Variants in ASMTL observed in about 807,000 individuals in gnomAD.
The protein encoded by ASMTL is probable bifunctional dTTP/UTP pyrophosphatase/methyltransferase protein.
In ASMTL, 57 loss-of-function variants were observed where a neutral mutation model predicts 60.3. The observed-to-expected ratio is 0.95, with a 90% CI of 0.76 to 1.18. The LOEUF (loss-of-function observed/expected upper bound fraction) is 1.18. Ranked by LOEUF, ASMTL falls within the 50% of genes most tolerant of loss-of-function variation. ASMTL has a pLI of 0.00. For synonymous variants in ASMTL, 419 were observed against 373.0 expected (o/e 1.12, Z -1.42); for missense variants, 981 against 852.6 (o/e 1.15, Z -1.88).
At chrX:1,417,848 A>C in intron 11 of ASMTL, 125 bp downstream of exon 11, 1 of 1,265,328 alleles carries the variant, frequency 7.9e-7, no homozygotes, top group Non-Finnish European at 1.1e-6. Context: ...TCCCATTTGC[A>C]CACACATACC....
intron 3 of ASMTL, among the ~76,000 whole-genome samples, chrX:1,436,421 C>T (rs1241098713): frequency 1.3e-5 from 2 of 151,756 alleles, no homozygotes; most frequent in South Asian, 2.1e-4. Context: ...GGCGCGATCT[C>T]GGCTCACTGC....
chrX:1,434,226 A>G (rs1464159627), intron 5 of ASMTL, among the ~76,000 whole-genome samples: 2 of 152,088 alleles, frequency 1.3e-5, no homozygotes, highest in Non-Finnish European at 2.9e-5. Flanking sequence ...AATATGGTGA[A>G]CACCTGCAGT....
chrX:1,426,856 C>A, intron 7 of ASMTL, among the ~76,000 whole-genome samples: 1 of 151,936 alleles, frequency 6.6e-6, no homozygotes, highest in Non-Finnish European at 1.5e-5. Flanking sequence ...ATGAACAGAT[C>A]TTTCAGGAGG....
chrX:1,453,686 G>C (rs2091450048), upstream of ASMTL: 1 of 151,904 alleles, frequency 6.6e-6, no homozygotes. Flanking sequence ...GGTAGAGATA[G>C]GGGGTTCCCC....
Position 1,419,093 on chromosome X carries a change from C to G in ASMTL, c.1267G>C (p.Glu423Gln). The G allele has an allele frequency of 6.2e-7, 1 of 1,611,326 alleles. No individual in the cohort carries two copies. Reference protein sequence around the residue: ...LFQDAYYQSPETRLRFMRAMH... With the variant: ...LFQDAYYQSPQTRLRFMRAMH... ...GCCCGCATGAACCTCAGCCGCGTCT[C>G]CGGGCTCTGGTAGTACGCATCCTGG... Residue 423 changes from glutamate to glutamine, a missense_variant, in exon 10 of 13, where the codon GAG (glutamate) becomes CAG (glutamine). Coordinates refer to ENST00000381317, the MANE Select transcript of ASMTL (RefSeq NM_004192.4).
In ASMTL at chrX:1,403,369, T is replaced by G; in HGVS notation, c.1766A>C (p.Glu589Ala). 6.2e-7 allele frequency: 1 copy of G among 1,613,416 alleles called. No homozygotes were observed. The highest frequency in any genetic ancestry group is 8.5e-7 in the Non-Finnish European group (1 of 1,179,852). Reference sequence around the variant, plus strand: ...GTGCAGCTCCAGCAAGCACTGATACTCGCCCAGGCTCCGCTCCTTGCCTTC... The same window carrying G: ...GTGCAGCTCCAGCAAGCACTGATACGCGCCCAGGCTCCGCTCCTTGCCTTC... The part of the protein sequence containing the change: ...QTEGKERSLG[E>A]YQCLLELHGF... The change falls in exon 13 of 13, where the codon GAG (glutamate) becomes GCG (alanine). Residue 589 changes from glutamate to alanine, a missense_variant. Coordinates refer to ENST00000381317, the MANE Select transcript of ASMTL (RefSeq NM_004192.4).
intron 6 of ASMTL, 117 bp from the exon 7 acceptor site, chrX:1,428,238 C>G (rs1356288442): frequency 1.8e-5 from 23 of 1,308,150 alleles, no homozygotes; most frequent in Non-Finnish European, 2.3e-5. Flanking sequence ...TCGAGGCCAT[C>G]CTGGCTAACA....
At chrX:1,412,315 G>C (rs5948841) in intron 12 of ASMTL, among the ~76,000 whole-genome samples, 65,834 of 151,680 alleles carry the variant, frequency 0.43, 14,410 homozygotes, top group Middle Eastern at 0.45. Context: ...GCAGTCTCCA[G>C]CTCCCGGGTT....
At chrX:1,439,313 G>C (rs28626010) in intron 2 of ASMTL, 169 bp from the exon 3 acceptor site, 86,544 of 169,496 alleles carry the variant, frequency 0.51, 22,420 homozygotes, top group Middle Eastern at 0.68. Flanking sequence ...AGTGGGTCCC[G>C]CCGGTGGTCG....
chrX:1,417,132 C>T (rs746684753), intron 11 of ASMTL, among the ~76,000 whole-genome samples: 1 of 151,588 alleles, frequency 6.6e-6, no homozygotes, highest in African/African-American at 2.4e-5. Flanking sequence ...TGCACACAGA[C>T]ACACAACCAC....
rs1229108670 is a variant in ASMTL at position 1,414,802 on chromosome X, TGC to T, written c.1523-1950_1523-1949del. Reference sequence around the variant, plus strand: ...CCTGCAGGAGGAGCTGTAGGGTGGTTGCGTTTTGTTTTTTTAAAAACGAGAAA... The same window carrying T: ...CCTGCAGGAGGAGCTGTAGGGTGGTTGTTTTGTTTTTTTAAAAACGAGAAA... On this transcript the variant is annotated intron_variant, in intron 11 of 12. Transcript: ENST00000381317. 4.6e-5 allele frequency among the ~76,000 whole-genome samples: 7 copies of T among 152,096 alleles called. No individual in the cohort carries two copies. The South Asian group carries it at 1.0e-3, about 23-fold the overall frequency.
rs2090495523 is a variant in ASMTL, at chrX:1,421,938, C to T, written c.1061-96G>A. 5 of 1,189,634 alleles carry T rather than the reference C, an allele frequency of 4.2e-6. No individual in the cohort carries two copies. The Admixed American group carries it at 7.2e-5, about 17-fold the overall frequency. The allele number at this position is 1,189,634 out of a possible 1,614,324, so 73.7% of individuals were successfully genotyped here. A position where few individuals can be genotyped will look rare whatever the true frequency, so the allele number is the denominator to read the frequency against. Reference sequence around the variant, plus strand: ...ATCATTGAGATGTTAAAATAAACATCACCCATCTGACTATAGCAAACCGTA... The same window carrying T: ...ATCATTGAGATGTTAAAATAAACATTACCCATCTGACTATAGCAAACCGTA... On this transcript the variant is annotated intron_variant, in intron 8 of 12. Coordinates refer to ENST00000381317, the MANE Select transcript of ASMTL (RefSeq NM_004192.4).
At chrX:1,422,994 C>T (rs2090520695) in intron 8 of ASMTL, among the ~76,000 whole-genome samples, 1 of 151,970 alleles carries the variant, frequency 6.6e-6, no homozygotes, top group Non-Finnish European at 1.5e-5. Flanking sequence ...ACTCTGTCCC[C>T]CAGGCTGGAG....
intron 3 of ASMTL, among the ~76,000 whole-genome samples, chrX:1,438,464 G>A (rs1323758198): frequency 2.0e-5 from 3 of 152,206 alleles, no homozygotes; most frequent in African/African-American, 7.2e-5. Flanking sequence ...CTGGAAGGAA[G>A]AAACCCTACA....
intron 6 of ASMTL, among the ~76,000 whole-genome samples, chrX:1,431,032 A>T (rs1211786628): frequency 7.6e-6 from 1 of 131,398 alleles, no homozygotes; most frequent in Non-Finnish European, 1.5e-5. Context: ...GCAGTTACAT[A>T]TATTAATCAT....
intron 1 of ASMTL, among the ~76,000 whole-genome samples, chrX:1,451,379 TC>T: frequency 1.1e-5 from 1 of 92,768 alleles, no homozygotes. Flanking sequence ...CACCCTTCCC[TC>T]CCCCATCCCT....
chrX:1,424,395 CCCAT>C (rs1189526128), intron 8 of ASMTL, among the ~76,000 whole-genome samples: 2 of 150,960 alleles, frequency 1.3e-5, no homozygotes, highest in African/African-American at 4.9e-5. Flanking sequence ...TGTCCACCCA[CCCAT>C]CCGTCTATTC....
In ASMTL at chrX:1,418,103, T is replaced by C. The variant is rs763190599; in HGVS notation, c.1392A>G (p.Ala464=). Residue 464 remains alanine (A), a synonymous_variant, in exon 11 of 13, where the codon GCA becomes GCG. Transcript: ENST00000381317. Reference sequence around the variant, plus strand: ...ACTCACGGGCCAGCTCTCGGGCCAGTGCACCCGTGCAGCCTGCGGGGAAGC... The same window carrying C: ...ACTCACGGGCCAGCTCTCGGGCCAGCGCACCCGTGCAGCCTGCGGGGAAGC... ...SACDVGGCTG[A]LARELAREYP... is the part of the protein sequence containing the mutation. The C allele has an allele frequency of 3.1e-6, 5 of 1,606,198 alleles. No individual in the cohort carries two copies. The South Asian group carries it at 5.5e-5, about 18-fold the overall frequency.
chrX:1,413,883 G>A (rs1374562471), intron 11 of ASMTL: 1 of 151,290 alleles, frequency 6.6e-6, no homozygotes, highest in African/African-American at 2.4e-5. Context: ...AGGCGGGAAG[G>A]ATCCTCCCCT....
Sources: gnomAD v4.1 joint callset for allele counts (sites outside exome capture counted in the v4.1 genomes callset) on GRCh38, gnomAD v4.1.1 for gene constraint, MANE v1.5 for transcripts, NCBI Gene and HGNC (gene_info 2026-07-23, HGNC 2026-07-21) for gene names.